The following IMPG1 variants were observed in gnomAD, a reference collection of about 807,000 sequenced individuals.
IMPG1 encodes the protein interphotoreceptor matrix proteoglycan of 150 kDa.
IMPG1 carries 85 observed loss-of-function variants against 92.0 expected under a neutral mutation model. The ratio of observed to expected loss-of-function variants is 0.92; its 90% CI spans 0.78 to 1.11. The LOEUF is 1.11. IMPG1 is among the 50% of genes least tolerant of loss of function. The pLI is 0.00. For synonymous variants in IMPG1, 367 were observed against 334.1 expected (o/e 1.10, Z -1.08); for missense variants, 1,022 against 956.0 (o/e 1.07, Z -0.91).
chr6:76,049,975 C>T (rs887470931), intron 1 of IMPG1, among the ~76,000 whole-genome samples: 14 of 152,092 alleles, frequency 9.2e-5, no homozygotes, highest in Admixed American at 5.2e-4. Flanking sequence ...CCCAGTGTAA[C>T]TATGATAATT....
intron 7 of IMPG1, among the ~76,000 whole-genome samples, chr6:76,012,431 G>C (rs1012106054): frequency 6.6e-6 from 1 of 152,162 alleles, no homozygotes; most frequent in Non-Finnish European, 1.5e-5. Flanking sequence ...AGGAGCCTTC[G>C]AGTTTCCATC....
intron 15 of IMPG1, among the ~76,000 whole-genome samples, chr6:75,924,626 A>ATATAATAT (rs1781503156): frequency 9.3e-4 from 12 of 12,846 alleles, no homozygotes; most frequent in African/African-American, 3.4e-3. Flanking sequence ...ATATATAATA[A>ATATAATAT]ATTATATATT....
chr6:75,988,452 T>C (rs1375974021), intron 12 of IMPG1, among the ~76,000 whole-genome samples: 5 of 152,220 alleles, frequency 3.3e-5, no homozygotes. Flanking sequence ...ATCGTTTGCC[T>C]ACTTTTTGAT....
chr6:75,922,283 T>A (rs1312554750), intron 16 of IMPG1, 117 bp from the exon 17 acceptor site: 2 of 581,688 alleles, frequency 3.4e-6, no homozygotes, highest in South Asian at 2.0e-5. Flanking sequence ...TTATGACATC[T>A]TCTTTGAAAT....
intron 2 of IMPG1, among the ~76,000 whole-genome samples, chr6:76,041,070 C>G (rs1489097411): frequency 6.6e-6 from 1 of 152,112 alleles, no homozygotes; most frequent in Non-Finnish European, 1.5e-5. Context: ...ATTTAAGACT[C>G]AGAGAGACAA....
intron 5 of IMPG1, chr6:76,024,970 A>G: frequency 1.7e-6 from 1 of 589,700 alleles, no homozygotes; most frequent in Non-Finnish European, 3.2e-6. Context: ...GGTTGTTTCC[A>G]AACTGTAAGA....
At chr6:76,046,090 GA>G (rs5877470) in intron 1 of IMPG1, among the ~76,000 whole-genome samples, 56,306 of 147,710 alleles carry the variant, frequency 0.38, 10,859 homozygotes, top group East Asian at 0.65. Flanking sequence ...AGTGATTTCA[GA>G]AAAAAAAAAA....
intron 1 of IMPG1, among the ~76,000 whole-genome samples, chr6:76,044,472 G>T (rs1329086516): frequency 6.6e-6 from 1 of 151,946 alleles, no homozygotes; most frequent in Admixed American, 6.6e-5. Context: ...TCCTGCTATC[G>T]GCCTGGTCCT....
intron 8 of IMPG1, among the ~76,000 whole-genome samples, chr6:76,010,708 A>G (rs1368957481): frequency 6.6e-6 from 1 of 152,142 alleles, no homozygotes; most frequent in African/African-American, 2.4e-5. Context: ...CTGGATAGCT[A>G]TGACTTTTTA....
Position 76,072,579 on chromosome 6 carries a change from A to C in IMPG1, c.-91T>G, listed in dbSNP as rs1784419140. On this transcript the variant is annotated 5_prime_UTR_variant, in exon 1 of 17. Coordinates refer to ENST00000369950, the MANE Select transcript of IMPG1 (RefSeq NM_001563.4). ...TAACAGAAATGTGAAAAATAATTAT[A>C]TATTGATACCAGATGATTGAGGATA... 1 of 732,822 alleles carries C rather than the reference A, an allele frequency of 1.4e-6. No homozygotes were observed. The highest frequency in any genetic ancestry group is 2.3e-6 in the Non-Finnish European group (1 of 438,176). 45.4% of individuals were successfully genotyped at this position (732,822 alleles called of 1,614,324 possible).
intron 12 of IMPG1, among the ~76,000 whole-genome samples, chr6:75,983,345 T>A (rs1782660264): frequency 6.6e-6 from 1 of 151,954 alleles, no homozygotes; most frequent in African/African-American, 2.4e-5. Flanking sequence ...GCTATAGTAA[T>A]CAAAATAGCA....
chr6:76,014,708 GTCAATCGACC>G (rs1381030185), intron 7 of IMPG1, among the ~76,000 whole-genome samples: 5 of 152,308 alleles, frequency 3.3e-5, no homozygotes, highest in Middle Eastern at 6.8e-3. Context: ...CATGAAAACA[GTCAATCGACC>G]CTGGGACTGG....
chr6:76,005,073 G>A (rs1032636329), intron 10 of IMPG1, among the ~76,000 whole-genome samples: 5 of 152,142 alleles, frequency 3.3e-5, no homozygotes, highest in African/African-American at 1.2e-4. Context: ...GATTCTCCTA[G>A]AACTATCCTT....
At chr6:76,011,488 T>C (rs954514704) in intron 7 of IMPG1, among the ~76,000 whole-genome samples, 2 of 152,142 alleles carry the variant, frequency 1.3e-5, no homozygotes, top group Non-Finnish European at 2.9e-5. Flanking sequence ...TGTAACTGGA[T>C]AGTTCTGATC....
chr6:76,027,809 G>A (rs1408485407), intron 4 of IMPG1, among the ~76,000 whole-genome samples: 2 of 152,146 alleles, frequency 1.3e-5, no homozygotes, highest in African/African-American at 2.4e-5. Context: ...AGATTTTGGA[G>A]TCATCATTTT....
rs891679231 is a variant in IMPG1, at chr6:75,929,859, G to A, written c.2243+1094C>T. The stretch of plus-strand genomic sequence containing the variant: ...AGGGGTCCAAATTCATTCTTTTCAC[G>A]TGGATATCTGGTTGTCACACACAGG... On this transcript the variant is annotated intron_variant, in intron 15 of 16. Transcript: ENST00000369950. Among the ~76,000 whole-genome samples the A allele has an allele frequency of 4.6e-5, 7 of 151,666 alleles. No individual in the cohort carries two copies. In the South Asian group the frequency reaches 6.2e-4, roughly 14 times the overall value.
chr6:76,028,139 A>G (rs149061122), intron 4 of IMPG1, among the ~76,000 whole-genome samples: 2 of 152,376 alleles, frequency 1.3e-5, no homozygotes, highest in Admixed American at 6.5e-5. Flanking sequence ...GCTATCAATC[A>G]TAATTAATGT....
At chr6:75,966,772 A>G (rs746001039) in intron 12 of IMPG1, among the ~76,000 whole-genome samples, 1 of 152,164 alleles carries the variant, frequency 6.6e-6, no homozygotes, top group African/African-American at 2.4e-5. Flanking sequence ...GAAGAAAGAC[A>G]AAAGAAAGCC....
intron 6 of IMPG1, among the ~76,000 whole-genome samples, chr6:76,019,495 C>T (rs998377684): frequency 2.6e-5 from 4 of 152,174 alleles, no homozygotes; most frequent in Non-Finnish European, 4.4e-5. Context: ...ATGGAAATTG[C>T]CCTGAGGGAC....
Sources: gnomAD v4.1 joint callset for allele counts (sites outside exome capture counted in the v4.1 genomes callset) on GRCh38, gnomAD v4.1.1 for gene constraint, MANE v1.5 for transcripts, NCBI Gene and HGNC (gene_info 2026-07-23, HGNC 2026-07-21) for gene names.